The following TBL1Y variants were observed in gnomAD, a reference collection of about 807,000 sequenced individuals.
TBL1Y encodes the protein F-box-like/WD repeat-containing protein TBL1Y.
Under a neutral mutation model 12.0 loss-of-function variants are expected in TBL1Y, and 15 were observed. The observed-to-expected ratio is 1.25, with a 90% confidence interval of 0.83 to 1.92. The LOEUF (loss-of-function observed/expected upper bound fraction) is 1.92, where lower values mean the gene tolerates loss of function less well. Among genes scored for constraint, TBL1Y ranks in the 40% most tolerant of loss-of-function variants. The probability of loss-of-function intolerance (pLI) is 0.00; values close to 1 mark genes in which losing one functional copy is unlikely to be tolerated. For missense variants in TBL1Y, 148 were observed against 116.7 expected, an observed-to-expected ratio of 1.27 and a Z score of -1.24; for synonymous variants, 53 against 42.6, an observed-to-expected ratio of 1.24 and a Z score of -0.95.
At chrY:7,080,886 T>C (rs749731899) in intron 14 of TBL1Y, 33 bp downstream of exon 14, 1 of 397,200 alleles carries the variant, frequency 2.5e-6, no homozygotes, top group Non-Finnish European at 3.5e-6. Context: ...GGTCTCGAGT[T>C]CATGAGAAGG....
At chrY:6,988,587 G>A (rs762382774) in intron 3 of TBL1Y, among the ~76,000 whole-genome samples, 1 of 30,876 alleles carries the variant, frequency 3.2e-5, no homozygotes, top group Admixed American at 3.1e-4. Context: ...TTGAGCCCAG[G>A]AAGTCGAGCC....
intron 7 of TBL1Y, among the ~76,000 whole-genome samples, chrY:7,063,253 C>A (rs2012902626): frequency 3.0e-5 from 1 of 33,594 alleles, no homozygotes. Flanking sequence ...CTTTTTAATT[C>A]TCAGCAAGGC....
intron 2 of TBL1Y, among the ~76,000 whole-genome samples, chrY:6,977,148 G>A (rs2012248484): frequency 3.0e-5 from 1 of 33,088 alleles, no homozygotes; most frequent in East Asian, 8.1e-4. Flanking sequence ...TTTAAGGGAC[G>A]TTGCTACTAG....
At chrY:7,048,029 G>A (rs2012771421) in intron 7 of TBL1Y, among the ~76,000 whole-genome samples, 1 of 32,301 alleles carries the variant, frequency 3.1e-5, no homozygotes, top group Non-Finnish European at 7.5e-5. Flanking sequence ...AAAGTGCTGG[G>A]ATTACAGGTG....
intron 14 of TBL1Y, 56 bp downstream of exon 14, chrY:7,080,909 C>A: frequency 2.3e-5 from 9 of 389,962 alleles, no homozygotes; most frequent in Non-Finnish European, 2.9e-5. Context: ...ATGTGGGAGC[C>A]AATTCTTGTA....
At chrY:6,999,942 A>G in intron 4 of TBL1Y, among the ~76,000 whole-genome samples, 1 of 31,276 alleles carries the variant, frequency 3.2e-5, no homozygotes, top group African/African-American at 1.3e-4. Context: ...AGAAATGGCC[A>G]TATTTCTTTA....
chrY:7,062,152 A>C (rs2012875447), intron 7 of TBL1Y, among the ~76,000 whole-genome samples: 1 of 32,179 alleles, frequency 3.1e-5, no homozygotes, highest in African/African-American at 1.2e-4. Flanking sequence ...GAATGGGGGA[A>C]CATAGACTAG....
At chrY:7,037,025 T>C in intron 6 of TBL1Y, among the ~76,000 whole-genome samples, 1 of 33,713 alleles carries the variant, frequency 3.0e-5, no homozygotes. Context: ...GCTATCATTG[T>C]TATTGCGATT....
chrY:7,012,343 A>G (rs2012525011), intron 4 of TBL1Y, among the ~76,000 whole-genome samples: 1 of 34,077 alleles, frequency 2.9e-5, no homozygotes, highest in Admixed American at 2.6e-4. Flanking sequence ...GAATAAAAGG[A>G]CAGCAAGGGC....
At chrY:7,090,230 G>C in intron 18 of TBL1Y, 40 bp downstream of exon 18, 1 of 337,044 alleles carries the variant, frequency 3.0e-6, no homozygotes, top group African/African-American at 6.8e-5. Context: ...CAGGGTGTTG[G>C]GGGAGGGGGA....
intron 7 of TBL1Y, among the ~76,000 whole-genome samples, chrY:7,062,189 G>T: frequency 3.1e-5 from 1 of 32,668 alleles, no homozygotes; most frequent in East Asian, 8.3e-4. Context: ...GAATCTTTAG[G>T]CATGAGAGCT....
intron 14 of TBL1Y, among the ~76,000 whole-genome samples, chrY:7,085,163 C>T (rs1603051683): frequency 1.1e-4 from 1 of 9,003 alleles, no homozygotes; most frequent in Non-Finnish European, 1.8e-4. Context: ...GTAAAAAATA[C>T]ACACACACAC....
At chrY:6,956,526 C>G in intron 2 of TBL1Y, among the ~76,000 whole-genome samples, 2 of 33,317 alleles carry the variant, frequency 6.0e-5, no homozygotes, top group African/African-American at 2.3e-4. Context: ...CCAAAGGTAA[C>G]TGGCCTCCTC....
intron 13 of TBL1Y, among the ~76,000 whole-genome samples, chrY:7,079,610 G>A: frequency 5.9e-5 from 2 of 34,125 alleles, no homozygotes; most frequent in Non-Finnish European, 1.5e-4. Flanking sequence ...GTCAGGGAGA[G>A]TGTTGGTCAC....
chrY:7,087,021 TA>T (rs2013142952), intron 16 of TBL1Y, among the ~76,000 whole-genome samples: 1 of 27,392 alleles, frequency 3.7e-5, no homozygotes, highest in African/African-American at 1.4e-4. Context: ...TCATATATTA[TA>T]TTTTTTATAT....
At chrY:7,058,233 C>A in intron 7 of TBL1Y, among the ~76,000 whole-genome samples, 1 of 33,659 alleles carries the variant, frequency 3.0e-5, no homozygotes, top group Non-Finnish European at 7.3e-5. Context: ...CACCACAATA[C>A]CACCATACCT....
intron 8 of TBL1Y, among the ~76,000 whole-genome samples, chrY:7,069,443 G>A (rs1054759950): frequency 3.0e-5 from 1 of 33,634 alleles, no homozygotes; most frequent in Non-Finnish European, 7.4e-5. Context: ...GGGCAGGGAT[G>A]GTTCCTTTCT....
intron 2 of TBL1Y, among the ~76,000 whole-genome samples, chrY:6,929,352 G>C (rs2011847251): frequency 1.2e-4 from 4 of 33,740 alleles, no homozygotes; most frequent in Admixed American, 1.1e-3. Context: ...AGTCTGGAGG[G>C]GGTCAAGGTG....
intron 4 of TBL1Y, among the ~76,000 whole-genome samples, chrY:7,020,612 C>T: frequency 3.0e-5 from 1 of 32,952 alleles, no homozygotes; most frequent in Non-Finnish European, 7.5e-5. Flanking sequence ...AAAAGAAAAA[C>T]AAAAACTCTC....
Sources: gnomAD v4.1 joint callset for allele counts (sites outside exome capture counted in the v4.1 genomes callset) on GRCh38, gnomAD v4.1.1 for gene constraint, MANE v1.5 for transcripts, NCBI Gene and HGNC (gene_info 2026-07-23, HGNC 2026-07-21) for gene names.